The following JAM2 variants were observed in gnomAD, a reference collection of about 807,000 sequenced individuals.
The protein encoded by JAM2 is junctional adhesion molecule B.
In JAM2, 17 loss-of-function variants were observed where a neutral mutation model predicts 42.0. That is an observed-to-expected ratio of 0.40 (90% CI 0.28 to 0.61). The LOEUF is 0.61. Among genes scored for constraint, JAM2 ranks in the 20% least tolerant of loss-of-function variants. The pLI, the probability that JAM2 is intolerant of heterozygous loss-of-function variation, is 0.37. For synonymous variants in JAM2, 118 were observed against 128.6 expected (o/e 0.92, Z 0.56); for missense variants, 319 against 358.3 (o/e 0.89, Z 0.89).
At chr21:25,640,030 A>T in intron 1 of JAM2, 142 bp downstream of exon 1, 1 of 557,184 alleles carries the variant, frequency 1.8e-6, no homozygotes. Flanking sequence ...CGCCCAGGCG[A>T]GCGGGAAACC....
At chr21:25,689,019 GT>G (rs67360261) in intron 2 of JAM2, among the ~76,000 whole-genome samples, 26,510 of 142,908 alleles carry the variant, frequency 0.19, 2,386 homozygotes, top group South Asian at 0.26. Flanking sequence ...TGGGTTTTTT[GT>G]TTTTTTTTTT....
chr21:25,678,708 T>C (rs1005506337), intron 1 of JAM2, among the ~76,000 whole-genome samples: 3 of 152,342 alleles, frequency 2.0e-5, no homozygotes, highest in South Asian at 4.1e-4. Context: ...AGTTTCCCTA[T>C]TGAATATGTT....
At chr21:25,685,344 G>A (rs1434354484) in intron 2 of JAM2, among the ~76,000 whole-genome samples, 1 of 151,406 alleles carries the variant, frequency 6.6e-6, no homozygotes, top group Non-Finnish European at 1.5e-5. Flanking sequence ...AAAACATGAA[G>A]ACCCTGTTTC....
At chr21:25,680,884 C>T (rs1318049693) in intron 1 of JAM2, among the ~76,000 whole-genome samples, 3 of 152,056 alleles carry the variant, frequency 2.0e-5, no homozygotes, top group African/African-American at 4.8e-5. Flanking sequence ...AGGATCAGAA[C>T]AGAAGGATGA....
At chr21:25,640,685 G>A (rs2123294235) in intron 1 of JAM2, among the ~76,000 whole-genome samples, 1 of 152,274 alleles carries the variant, frequency 6.6e-6, no homozygotes, top group Admixed American at 6.5e-5. Context: ...TAACTTTTTA[G>A]GAAAATGGAG....
Position 25,717,364 on chromosome 21 carries a change from A to G in JAM2, c.*2692A>G. ...TCCTGCAGTGAATTGTGTTGTGTAA[A>G]GATTAGGGCTTTAAAATCTTATTAG... On this transcript the variant is annotated 3_prime_UTR_variant, in exon 10 of 10. Transcript: ENST00000480456. 4.4e-6 allele frequency: 1 copy of G among 229,182 alleles called. No homozygotes were observed. The highest frequency in any genetic ancestry group is 8.4e-6 in the Non-Finnish European group (1 of 119,094). The allele number at this position is 229,182 out of a possible 1,614,324, so 14.2% of individuals were successfully genotyped here.
At chr21:25,687,721 T>G (rs2033781249) in intron 2 of JAM2, among the ~76,000 whole-genome samples, 1 of 152,210 alleles carries the variant, frequency 6.6e-6, no homozygotes. Context: ...AGGCACTGGC[T>G]CTTTCCTTGC....
chr21:25,694,904 ATCTCT>A (rs2033966893), intron 4 of JAM2, among the ~76,000 whole-genome samples: 1 of 151,146 alleles, frequency 6.6e-6, no homozygotes, highest in Non-Finnish European at 1.5e-5. Context: ...GAGGAACACG[ATCTCT>A]TCTCTTTCAT....
intron 4 of JAM2, among the ~76,000 whole-genome samples, chr21:25,697,362 C>T (rs1263204544): frequency 1.3e-5 from 2 of 152,066 alleles, no homozygotes; most frequent in South Asian, 4.1e-4. Flanking sequence ...TGTATTTATA[C>T]CAAGGACTGC....
At chr21:25,686,854 T>C (rs926872190) in intron 2 of JAM2, among the ~76,000 whole-genome samples, 1 of 152,234 alleles carries the variant, frequency 6.6e-6, no homozygotes, top group Non-Finnish European at 1.5e-5. Flanking sequence ...AATGATTCTA[T>C]CTATGCGATT....
At chr21:25,698,631 T>C (rs1568915048) in intron 4 of JAM2, 46 bp from the exon 5 acceptor site, 1 of 1,519,344 alleles carries the variant, frequency 6.6e-7, no homozygotes, top group Admixed American at 1.8e-5. Flanking sequence ...TAAACAACCT[T>C]GATTAGCTTA....
chr21:25,665,610 A>G (rs542886576), intron 1 of JAM2, among the ~76,000 whole-genome samples: 2 of 152,334 alleles, frequency 1.3e-5, no homozygotes, highest in East Asian at 3.9e-4. Flanking sequence ...CCAAGGCTGC[A>G]GTTCAAGTCC....
chr21:25,650,080 T>A (rs1297449902), intron 1 of JAM2, among the ~76,000 whole-genome samples: 1 of 152,208 alleles, frequency 6.6e-6, no homozygotes, highest in African/African-American at 2.4e-5. Context: ...GGGACTAATA[T>A]CTTCGTGAGG....
chr21:25,675,916 TTATGA>T (rs1305494812), intron 1 of JAM2, among the ~76,000 whole-genome samples: 3 of 152,194 alleles, frequency 2.0e-5, no homozygotes, highest in Admixed American at 6.5e-5. Flanking sequence ...TTTATGAAAC[TTATGA>T]TATAACTGAT....
chr21:25,698,997 G>A, intron 5 of JAM2, 118 bp downstream of exon 5: 2 of 854,622 alleles, frequency 2.3e-6, no homozygotes. Flanking sequence ...GTGGAGAGAG[G>A]CAGGGGCACC....
chr21:25,712,619 T>C (rs914658299), intron 9 of JAM2, among the ~76,000 whole-genome samples: 6 of 152,220 alleles, frequency 3.9e-5, no homozygotes, highest in African/African-American at 1.4e-4. Flanking sequence ...TATCATTATT[T>C]GTTTCATGGT....
At chr21:25,641,477 T>G (rs1338303389) in intron 1 of JAM2, among the ~76,000 whole-genome samples, 2 of 152,186 alleles carry the variant, frequency 1.3e-5, no homozygotes, top group African/African-American at 2.4e-5. Context: ...ACACATTGTC[T>G]CTGCTAAACT....
chr21:25,688,339 A>G (rs2033801232), intron 2 of JAM2, among the ~76,000 whole-genome samples: 1 of 152,122 alleles, frequency 6.6e-6, no homozygotes, highest in Non-Finnish European at 1.5e-5. Context: ...AAACAATGCA[A>G]TTATTTAAGT....
At chr21:25,650,036 G>A (rs980073996) in intron 1 of JAM2, among the ~76,000 whole-genome samples, 1 of 152,186 alleles carries the variant, frequency 6.6e-6, no homozygotes, top group Non-Finnish European at 1.5e-5. Flanking sequence ...GAACTCATTT[G>A]CTTCTGTGAG....
Sources: allele counts gnomAD v4.1 joint callset (sites outside exome capture counted in the v4.1 genomes callset), GRCh38; gene constraint gnomAD v4.1.1; transcripts MANE v1.5; gene names NCBI Gene and HGNC (gene_info 2026-07-23, HGNC 2026-07-21).